KIAA0825: variants seen among roughly 807,000 people sequenced by gnomAD.
KIAA0825 encodes the protein KIAA0825.
KIAA0825 carries 119 observed loss-of-function variants against 147.6 expected under a neutral mutation model. That is an observed-to-expected ratio of 0.81 (90% CI 0.69 to 0.94). KIAA0825 has a LOEUF of 0.94. Among genes scored for constraint, KIAA0825 ranks in the 40% least tolerant of loss-of-function variants. KIAA0825 has a pLI of 0.00. For synonymous variants in KIAA0825, 470 were observed against 518.1 expected, an observed-to-expected ratio of 0.91 and a Z score of 1.26; for missense variants, 1,381 against 1,472.7, an observed-to-expected ratio of 0.94 and a Z score of 1.02.
intron 3 of KIAA0825, among the ~76,000 whole-genome samples, chr5:94,529,297 A>G (rs1412290536): frequency 7.1e-6 from 1 of 140,468 alleles, no homozygotes; most frequent in Non-Finnish European, 1.5e-5. Flanking sequence ...TGTATATATC[A>G]TATATATGTA....
chr5:94,181,787 G>A (rs758658502), intron 20 of KIAA0825, among the ~76,000 whole-genome samples: 2 of 152,150 alleles, frequency 1.3e-5, no homozygotes, highest in Non-Finnish European at 2.9e-5. Flanking sequence ...CGATTTCATA[G>A]TTTAACTATG....
intron 20 of KIAA0825, among the ~76,000 whole-genome samples, chr5:94,293,708 G>A (rs1778006995): frequency 6.6e-6 from 1 of 152,098 alleles, no homozygotes; most frequent in Non-Finnish European, 1.5e-5. Flanking sequence ...ATTGACAGTG[G>A]GGTGTTAAAG....
chr5:94,231,323 A>G (rs922860809), intron 20 of KIAA0825, among the ~76,000 whole-genome samples: 15 of 152,090 alleles, frequency 9.9e-5, no homozygotes, highest in African/African-American at 3.4e-4. Context: ...GTAAACTGAT[A>G]TGTACCCAAA....
rs182042092 is a variant in KIAA0825 at position 94,320,184 on chromosome 5, C to T, written c.3710+64184G>A. On this transcript the variant is annotated intron_variant, in intron 20 of 20. Transcript: ENST00000682413. ...CTTCATAGCTTTTATTACTACCTGA[C>T]ATTATGTTACTTTTTATTGATACAT... Among the ~76,000 whole-genome samples the T allele has an allele frequency of 3.6e-3, 550 of 152,082 alleles. 7 individuals carry two copies. Among genetic ancestry groups the T allele is most frequent in the Non-Finnish European group, 2.4e-3 (162 of 67,972 alleles).
chr5:94,365,848 G>A lies in KIAA0825; in HGVS notation c.3710+18520C>T, dbSNP rs555790957. Among the ~76,000 whole-genome samples the A allele has an allele frequency of 2.6e-5, 4 of 152,302 alleles. No individual in the cohort carries two copies. The East Asian group carries it at 7.7e-4, about 29-fold the overall frequency. ...TTATGTTTTAGGAGTCACGCAGCTG[G>A]AGGCTGCAAGTTTCTAAACTTCCCC... On this transcript the variant is annotated intron_variant, in intron 20 of 20. Coordinates refer to ENST00000682413, the MANE Select transcript of KIAA0825 (RefSeq NM_001145678.3).
At chr5:94,610,789 AT>A (rs1788609496) in intron 1 of KIAA0825, among the ~76,000 whole-genome samples, 2 of 78,580 alleles carry the variant, frequency 2.5e-5, no homozygotes, top group African/African-American at 1.3e-4. Context: ...AAAAAAAAGT[AT>A]ATATATATAT....
chr5:94,262,202 C>T (rs994855786), intron 20 of KIAA0825, among the ~76,000 whole-genome samples: 5 of 151,932 alleles, frequency 3.3e-5, no homozygotes, highest in Non-Finnish European at 4.4e-5. Flanking sequence ...AAAAAGATGC[C>T]TAACTTCATT....
chr5:94,356,564 T>C (rs1245206007), intron 20 of KIAA0825, among the ~76,000 whole-genome samples: 1 of 150,828 alleles, frequency 6.6e-6, no homozygotes, highest in African/African-American at 2.4e-5. Context: ...TGAGCCGAGA[T>C]TGCGCCACCG....
intron 20 of KIAA0825, among the ~76,000 whole-genome samples, chr5:94,176,642 T>TA (rs200463313): frequency 0.014 from 2,159 of 151,916 alleles, 26 homozygotes; most frequent in Non-Finnish European, 0.023. Context: ...TTAAAAAGCA[T>TA]AAAAAAAATC....
chr5:94,266,138 A>T (rs1776729839), intron 20 of KIAA0825, among the ~76,000 whole-genome samples: 1 of 152,228 alleles, frequency 6.6e-6, no homozygotes, highest in South Asian at 2.1e-4. Context: ...CATTTCAAGG[A>T]AAACAACTGA....
At chr5:94,614,798 TTCTC>T (rs372231688) in intron 1 of KIAA0825, among the ~76,000 whole-genome samples, 275 of 152,368 alleles carry the variant, frequency 1.8e-3, no homozygotes, top group African/African-American at 5.9e-3. Flanking sequence ...TTATATAACT[TTCTC>T]TCTCCTAGTA....
intron 20 of KIAA0825, among the ~76,000 whole-genome samples, chr5:94,216,200 C>T (rs150941994): frequency 6.6e-6 from 1 of 152,016 alleles, no homozygotes; most frequent in African/African-American, 2.4e-5. Flanking sequence ...TTTATTTGGC[C>T]CTAAGTAAGT....
chr5:94,569,120 CCA>C (rs1430480253), intron 2 of KIAA0825: 1 of 177,594 alleles, frequency 5.6e-6, no homozygotes, highest in African/African-American at 2.4e-5. Context: ...TTAAAATTCA[CCA>C]CAATCACCAC....
At chr5:94,385,732 A>G (rs1196209015) in intron 19 of KIAA0825, among the ~76,000 whole-genome samples, 1 of 152,216 alleles carries the variant, frequency 6.6e-6, no homozygotes, top group Non-Finnish European at 1.5e-5. Flanking sequence ...CGGCTTTAAG[A>G]TCATTAACAA....
intron 5 of KIAA0825, among the ~76,000 whole-genome samples, chr5:94,488,416 A>G (rs1763319371): frequency 6.6e-6 from 1 of 152,224 alleles, no homozygotes; most frequent in African/African-American, 2.4e-5. Context: ...TATGATTCTT[A>G]GGAAATACAC....
At position 94,484,843 on chromosome 5, in the gene KIAA0825, A is replaced by G; in HGVS notation, c.1058T>C (p.Met353Thr). 1.3e-6 allele frequency: 2 copies of G among 1,537,734 alleles called. No individual in the cohort carries two copies. The highest frequency in any genetic ancestry group is 1.2e-5 in the South Asian group (1 of 82,362). Residue 353 changes from methionine to threonine, a missense_variant, in exon 6 of 21, where the codon ATG (methionine) becomes ACG (threonine). Met to Thr is a moderately conservative substitution (Grantham distance 81). Coordinates refer to ENST00000682413, the MANE Select transcript of KIAA0825 (RefSeq NM_001145678.3). ...TTCTTGAACACCTTTTTCCAGTTTC[A>G]TAAAGGATTTTATGAGCTGCGATAA... ...EFLSQLIKSF[M>T]KLEKGVQELF...
At chr5:94,341,129 AGAT>A (rs1244642514) in intron 20 of KIAA0825, among the ~76,000 whole-genome samples, 6 of 152,250 alleles carry the variant, frequency 3.9e-5, no homozygotes, top group Non-Finnish European at 8.8e-5. Context: ...GTAATAAAAC[AGAT>A]GATATTACTT....
chr5:94,484,874 C>A lies in KIAA0825; in HGVS notation c.1027G>T (p.Glu343Ter), dbSNP rs754099690. The change falls in exon 6 of 21, where the codon GAA becomes TAA. Residue 343 changes from glutamate to a stop codon, truncating the protein, a stop_gained. Transcript: ENST00000682413. LOFTEE classifies it high-confidence loss of function. Reference sequence around the variant, plus strand: ...GATTTTATGAGCTGCGATAAGAATTCGACTTTGTCTAAAGGGAGAGAGAAG... The same window carrying A: ...GATTTTATGAGCTGCGATAAGAATTAGACTTTGTCTAAAGGGAGAGAGAAG... ...RNFSLPLDKV[E>*]FLSQLIKSFM... is the part of the protein sequence containing the mutation. 1 of 1,536,860 alleles carries A rather than the reference C, an allele frequency of 6.5e-7. No homozygotes were observed. The highest frequency in any genetic ancestry group is 1.4e-5 in the African/African-American group (1 of 72,874).
Position 94,356,725 on chromosome 5 carries a change from C to CTTTTTTTTT in KIAA0825, c.3710+27634_3710+27642dup, listed in dbSNP as rs1172838355. On this transcript the variant is annotated intron_variant, in intron 20 of 20. Coordinates refer to ENST00000682413, the MANE Select transcript of KIAA0825 (RefSeq NM_001145678.3). ...TCAAACTTAAGGTTTAACTTGATTT[C>CTTTTTTTTT]TTTTTTTTTTTTTTTTTGAGACGGA... is the stretch of plus-strand genomic sequence containing the variant. 3.1e-3 allele frequency among the ~76,000 whole-genome samples: 356 copies of CTTTTTTTTT among 116,682 alleles called. 42 individuals carry two copies. The highest frequency in any genetic ancestry group is 5.9e-3 in the East Asian group (24 of 4,098). 76.5% of individuals were successfully genotyped at this position (116,682 alleles called of 152,430 possible). A position where few individuals can be genotyped will look rare whatever the true frequency, so the allele number is the denominator to read the frequency against.
Sources: allele counts gnomAD v4.1 joint callset (sites outside exome capture counted in the v4.1 genomes callset), GRCh38; gene constraint gnomAD v4.1.1; transcripts MANE v1.5; gene names NCBI Gene and HGNC (gene_info 2026-07-23, HGNC 2026-07-21).